The following PPP3CA variants were observed in gnomAD, a reference collection of about 807,000 sequenced individuals.
PPP3CA encodes CAM-PRP catalytic subunit.
In PPP3CA, 14 loss-of-function variants were observed where a neutral mutation model predicts 66.5. The observed-to-expected ratio is 0.21, with a 90% CI of 0.14 to 0.33. The LOEUF is 0.33. PPP3CA is among the 10% of genes least tolerant of loss of function. The pLI, the probability that PPP3CA is intolerant of heterozygous loss-of-function variation, is 1.00. For missense variants in PPP3CA, 317 were observed against 639.5 expected (o/e 0.50, Z 5.44); for synonymous variants, 232 against 226.2 (o/e 1.03, Z -0.23).
intron 1 of PPP3CA, among the ~76,000 whole-genome samples, chr4:101,310,271 G>A (rs1250146590): frequency 6.6e-6 from 1 of 152,154 alleles, no homozygotes; most frequent in African/African-American, 2.4e-5. Context: ...TGATGGTTAT[G>A]TTCTATCTTA....
intron 10 of PPP3CA, among the ~76,000 whole-genome samples, chr4:101,060,625 TG>T (rs2110224681): frequency 6.6e-6 from 1 of 152,232 alleles, no homozygotes; most frequent in South Asian, 2.1e-4. Flanking sequence ...GAAGAAATAT[TG>T]GGATTGAAAT....
At chr4:101,082,188 T>C (rs142724774) in intron 7 of PPP3CA, among the ~76,000 whole-genome samples, 6 of 152,208 alleles carry the variant, frequency 3.9e-5, no homozygotes, top group East Asian at 3.9e-4. Context: ...ACCTGACTGG[T>C]TGGGTATATA....
At chr4:101,205,325 TA>T (rs1250929383) in intron 1 of PPP3CA, among the ~76,000 whole-genome samples, 1 of 152,098 alleles carries the variant, frequency 6.6e-6, no homozygotes, top group African/African-American at 2.4e-5. Flanking sequence ...TTTAAAAATT[TA>T]TTTATTTATT....
chr4:101,157,549 G>C (rs758197428), intron 2 of PPP3CA, among the ~76,000 whole-genome samples: 2 of 152,146 alleles, frequency 1.3e-5, no homozygotes, highest in Non-Finnish European at 2.9e-5. Context: ...CCTTGAGTAG[G>C]CTAAAGAAAT....
chr4:101,106,450 A>AAAGAAAGAAAG (rs751759518), intron 3 of PPP3CA, among the ~76,000 whole-genome samples: 872 of 11,112 alleles, frequency 0.078, 207 homozygotes, highest in South Asian at 0.13. Context: ...AGAAAGAAAG[A>AAAGAAAGAAAG]AAGAGAAAAG....
At chr4:101,195,885 C>T (rs1468731104) in intron 2 of PPP3CA, 31 bp downstream of exon 2, 1 of 1,597,796 alleles carries the variant, frequency 6.3e-7, no homozygotes. Flanking sequence ...AATGTGTATA[C>T]AAGTGGGCAA....
intron 5 of PPP3CA, among the ~76,000 whole-genome samples, chr4:101,096,554 C>G (rs758875864): frequency 3.3e-5 from 5 of 152,110 alleles, no homozygotes; most frequent in Non-Finnish European, 5.9e-5. Context: ...AATTAAAACA[C>G]TATTTTGAGG....
chr4:101,106,081 G>C (rs1248119595), intron 3 of PPP3CA, among the ~76,000 whole-genome samples: 3 of 152,014 alleles, frequency 2.0e-5, no homozygotes, highest in Non-Finnish European at 4.4e-5. Context: ...TGAGCACTTT[G>C]GGAGGTCAGG....
chr4:101,039,416 C>A (rs1182063175), intron 11 of PPP3CA, among the ~76,000 whole-genome samples: 1 of 144,616 alleles, frequency 6.9e-6, no homozygotes, highest in African/African-American at 2.5e-5. Context: ...ATGAATAAGC[C>A]CTGAAAATGT....
At chr4:101,124,843 T>C (rs1397292794) in intron 2 of PPP3CA, among the ~76,000 whole-genome samples, 1 of 152,064 alleles carries the variant, frequency 6.6e-6, no homozygotes, top group Non-Finnish European at 1.5e-5. Context: ...ACTACCATGC[T>C]TTTAAAATCC....
chr4:101,032,424 A>ATGAC (rs1175331141), intron 11 of PPP3CA, 60 bp from the exon 12 acceptor site: 28 of 1,440,342 alleles, frequency 1.9e-5, no homozygotes, highest in Non-Finnish European at 2.7e-5. Context: ...AAAGAAAGAA[A>ATGAC]TGACTGAAAG....
At chr4:101,174,956 G>T (rs1724010296) in intron 2 of PPP3CA, among the ~76,000 whole-genome samples, 1 of 152,128 alleles carries the variant, frequency 6.6e-6, no homozygotes, top group African/African-American at 2.4e-5. Flanking sequence ...AGGCACTATG[G>T]CTATAAAGGG....
intron 10 of PPP3CA, among the ~76,000 whole-genome samples, chr4:101,043,648 G>A (rs1028997570): frequency 6.6e-6 from 1 of 152,116 alleles, no homozygotes; most frequent in African/African-American, 2.4e-5. Context: ...ACTGAGGTGG[G>A]CGGATCACGA....
At chr4:101,223,386 C>A (rs184849876) in intron 1 of PPP3CA, among the ~76,000 whole-genome samples, 1 of 151,682 alleles carries the variant, frequency 6.6e-6, no homozygotes, top group Admixed American at 6.6e-5. Context: ...GCCAAACAGC[C>A]CAGTGACTTA....
intron 1 of PPP3CA, among the ~76,000 whole-genome samples, chr4:101,227,279 T>G (rs1725814001): frequency 6.6e-6 from 1 of 151,814 alleles, no homozygotes; most frequent in African/African-American, 2.4e-5. Context: ...AAAGTTCAAC[T>G]AAATCTTTCT....
intron 1 of PPP3CA, among the ~76,000 whole-genome samples, chr4:101,345,573 A>G (rs944312425): frequency 6.6e-6 from 1 of 152,140 alleles, no homozygotes; most frequent in African/African-American, 2.4e-5. Flanking sequence ...CCTGACCCCC[A>G]GGAATGTGAG....
chr4:101,029,073 C>T, intron 13 of PPP3CA, 93 bp downstream of exon 13: 1 of 1,247,576 alleles, frequency 8.0e-7, no homozygotes, highest in Non-Finnish European at 1.2e-6. Context: ...TCAACACCCA[C>T]ACACTCTGTA....
chr4:101,312,524 A>T (rs1366781675), intron 1 of PPP3CA, among the ~76,000 whole-genome samples: 3 of 152,116 alleles, frequency 2.0e-5, no homozygotes, highest in Non-Finnish European at 4.4e-5. Context: ...TCATCTTTTT[A>T]CATTCTTACA....
intron 2 of PPP3CA, among the ~76,000 whole-genome samples, chr4:101,176,028 C>T (rs994612663): frequency 3.3e-5 from 5 of 152,038 alleles, no homozygotes; most frequent in Non-Finnish European, 7.4e-5. Flanking sequence ...GAAACTTTCC[C>T]AGCAGTTAAA....
Sources: allele counts gnomAD v4.1 joint callset (sites outside exome capture counted in the v4.1 genomes callset), GRCh38; gene constraint gnomAD v4.1.1; transcripts MANE v1.5; gene names NCBI Gene and HGNC (gene_info 2026-07-23, HGNC 2026-07-21).